Variants in TNNI3K observed in about 807,000 individuals in gnomAD.
The protein encoded by TNNI3K is TNNI3 interacting kinase.
Under a neutral mutation model 114.5 loss-of-function variants are expected in TNNI3K, and 140 were observed. The ratio of observed to expected loss-of-function variants is 1.22; its 90% CI spans 1.07 to 1.41. The LOEUF (loss-of-function observed/expected upper bound fraction) is 1.41, where lower values mean the gene tolerates loss of function less well. TNNI3K is among the 40% of genes most tolerant of loss of function. The pLI is 0.00. For synonymous variants in TNNI3K, 347 were observed against 347.5 expected (o/e 1.00, Z 0.02); for missense variants, 1,125 against 1,007.6 (o/e 1.12, Z -1.58).
At chr1:74,451,069 A>C (rs929619956) in intron 20 of TNNI3K, among the ~76,000 whole-genome samples, 2 of 152,366 alleles carry the variant, frequency 1.3e-5, no homozygotes, top group East Asian at 3.9e-4. Flanking sequence ...TTATGCTGCC[A>C]TAAAAAGGAA....
chr1:74,493,698 G>A (rs1669189299), intron 23 of TNNI3K, among the ~76,000 whole-genome samples: 1 of 152,108 alleles, frequency 6.6e-6, no homozygotes, highest in Non-Finnish European at 1.5e-5. Flanking sequence ...CTATTCCTTG[G>A]GTCTATCAAC....
At chr1:74,332,289 T>C (rs1275457300) in intron 6 of TNNI3K, among the ~76,000 whole-genome samples, 1 of 151,900 alleles carries the variant, frequency 6.6e-6, no homozygotes, top group Non-Finnish European at 1.5e-5. Context: ...TGAAATTGGC[T>C]ATTTGCCCTT....
At chr1:74,362,487 T>G (rs1662021392) in intron 11 of TNNI3K, among the ~76,000 whole-genome samples, 1 of 152,120 alleles carries the variant, frequency 6.6e-6, no homozygotes, top group Non-Finnish European at 1.5e-5. Flanking sequence ...AATCTCCAGA[T>G]CTAGTTCTTA....
At chr1:74,520,709 A>G (rs979931269) in intron 23 of TNNI3K, among the ~76,000 whole-genome samples, 18 of 152,124 alleles carry the variant, frequency 1.2e-4, no homozygotes, top group Admixed American at 4.6e-4. Context: ...GAAGGAAGGG[A>G]GGCCTGGGGC....
intron 11 of TNNI3K, among the ~76,000 whole-genome samples, chr1:74,361,986 A>G (rs2100501265): frequency 6.6e-6 from 1 of 152,256 alleles, no homozygotes; most frequent in African/African-American, 2.4e-5. Flanking sequence ...AAGGAACAAG[A>G]ATAATGGGTC....
chr1:74,439,335 A>C (rs1227034647), intron 19 of TNNI3K, 155 bp from the exon 20 acceptor site: 2 of 1,195,588 alleles, frequency 1.7e-6, no homozygotes, highest in East Asian at 5.3e-5. Context: ...TGTTTATTGC[A>C]CACACTGAGG....
chr1:74,410,126 T>G (rs1432704581), intron 17 of TNNI3K, among the ~76,000 whole-genome samples: 1 of 152,210 alleles, frequency 6.6e-6, no homozygotes. Flanking sequence ...AATACTGGAA[T>G]TCTATATGAC....
intron 17 of TNNI3K, chr1:74,402,000 A>G (rs1393740162): frequency 6.9e-6 from 2 of 289,358 alleles, no homozygotes; most frequent in African/African-American, 2.3e-5. Flanking sequence ...ATATATATAT[A>G]TTTTGAATAT....
chr1:74,399,178 A>G (rs1664237195), intron 17 of TNNI3K, among the ~76,000 whole-genome samples: 1 of 149,322 alleles, frequency 6.7e-6, no homozygotes, highest in Non-Finnish European at 1.5e-5. Context: ...AAAAAAAAAA[A>G]ACACCCAAAA....
chr1:74,399,231 T>G (rs182643745), intron 17 of TNNI3K, among the ~76,000 whole-genome samples: 1 of 145,894 alleles, frequency 6.9e-6, no homozygotes, highest in East Asian at 2.1e-4. Flanking sequence ...CCAATAGCAC[T>G]CCTTAGGATT....
At chr1:74,485,867 A>G in intron 21 of TNNI3K, among the ~76,000 whole-genome samples, 1 of 152,132 alleles carries the variant, frequency 6.6e-6, no homozygotes, top group African/African-American at 2.4e-5. Flanking sequence ...TACAACCACA[A>G]AGAAATCAGT....
At chr1:74,432,165 A>C (rs1435451203) in intron 17 of TNNI3K, among the ~76,000 whole-genome samples, 1 of 152,044 alleles carries the variant, frequency 6.6e-6, no homozygotes, top group African/African-American at 2.4e-5. Flanking sequence ...ATTTTCCTTG[A>C]CCTCAAAGGT....
intron 5 of TNNI3K, among the ~76,000 whole-genome samples, chr1:74,278,165 G>A (rs1656795348): frequency 6.6e-6 from 1 of 152,112 alleles, no homozygotes; most frequent in South Asian, 2.1e-4. Flanking sequence ...TTTAGAGAGA[G>A]GGTAGTCATG....
intron 17 of TNNI3K, among the ~76,000 whole-genome samples, chr1:74,382,455 T>G (rs1286086400): frequency 6.6e-6 from 1 of 152,192 alleles, no homozygotes; most frequent in African/African-American, 2.4e-5. Flanking sequence ...TGGACTAAGA[T>G]TCATTTTGTA....
At chr1:74,363,893 G>A (rs947907467) in intron 11 of TNNI3K, among the ~76,000 whole-genome samples, 4 of 141,420 alleles carry the variant, frequency 2.8e-5, no homozygotes, top group African/African-American at 1.1e-4. Flanking sequence ...GGATTAGACA[G>A]TGTGAAGGGA....
intron 7 of TNNI3K, among the ~76,000 whole-genome samples, chr1:74,337,758 T>A (rs2100430470): frequency 6.6e-6 from 1 of 152,238 alleles, no homozygotes; most frequent in East Asian, 1.9e-4. Flanking sequence ...AGGTAATTAA[T>A]ATTCTGGCTT....
chr1:74,540,290 A>G lies in TNNI3K; in HGVS notation c.2408A>G (p.Gln803Arg). 23 of 1,612,404 alleles carry G rather than the reference A, an allele frequency of 1.4e-5. No individual in the cohort carries two copies. The highest frequency in any genetic ancestry group is 2.0e-5 in the Non-Finnish European group (23 of 1,178,986). ...TTGGAGGAGATGAAAAGAAGTCTTC[A>G]ATACACACCCATTGACAAATATGGT... ...LSLEEMKRSLQYTPIDKYGYV... is the reference protein window; with the variant it reads ...LSLEEMKRSLRYTPIDKYGYV... Residue 803 changes from glutamine to arginine, a missense_variant, in exon 24 of 25, where the codon CAA becomes CGA. Gln to Arg is a conservative substitution (Grantham distance 43). Coordinates refer to ENST00000326637, the MANE Select transcript of TNNI3K (RefSeq NM_015978.3).
chr1:74,409,856 A>G (rs1664801917), intron 17 of TNNI3K, among the ~76,000 whole-genome samples: 1 of 151,822 alleles, frequency 6.6e-6, no homozygotes, highest in Non-Finnish European at 1.5e-5. Context: ...GGGATTTTAT[A>G]TTTTTTATTA....
intron 2 of TNNI3K, among the ~76,000 whole-genome samples, chr1:74,248,851 T>C (rs1459227183): frequency 6.6e-6 from 1 of 152,220 alleles, no homozygotes; most frequent in African/African-American, 2.4e-5. Flanking sequence ...AAGGCTCTTA[T>C]GTCTTGTATC....
Sources: gnomAD v4.1 joint callset for allele counts (sites outside exome capture counted in the v4.1 genomes callset) on GRCh38, gnomAD v4.1.1 for gene constraint, MANE v1.5 for transcripts, NCBI Gene and HGNC (gene_info 2026-07-23, HGNC 2026-07-21) for gene names.